SEMA6D: variants seen among roughly 807,000 people sequenced by gnomAD.
SEMA6D encodes semaphorin-6D.
A neutral mutation model predicts 106.6 loss-of-function variants in SEMA6D; 35 were observed. The ratio of observed to expected loss-of-function variants is 0.33; its 90% CI spans 0.25 to 0.44. The LOEUF is 0.44. SEMA6D is among the 20% of genes least tolerant of loss of function. SEMA6D has a pLI of 1.00. For missense variants in SEMA6D, 1,185 were observed against 1,345.9 expected (o/e 0.88, Z 1.87); for synonymous variants, 499 against 487.7 (o/e 1.02, Z -0.31).
rs1197605156 is a variant in SEMA6D at position 47,770,583 on chromosome 15, T to C, written c.2020T>C (p.Leu674=). 6.2e-7 allele frequency: 1 copy of C among 1,613,996 alleles called. No individual in the cohort carries two copies. The highest frequency in any genetic ancestry group is 1.7e-5 in the Admixed American group (1 of 60,010). ...LITCVFAAFV[L]GAFIAGVAVY... is the part of the protein sequence containing the mutation. Reference sequence around the variant, plus strand: ...CACCTGTGTCTTTGCTGCTTTTGTTTTGGGGGCATTCATTGCAGGTGTGGC... The same window carrying C: ...CACCTGTGTCTTTGCTGCTTTTGTTCTGGGGGCATTCATTGCAGGTGTGGC... Residue 674 remains leucine (L), a synonymous_variant, in exon 19 of 19, where the codon TTG becomes CTG. Transcript: ENST00000536845.
chr15:47,288,660 A>G (rs1233317505), intron 1 of SEMA6D, among the ~76,000 whole-genome samples: 1 of 152,160 alleles, frequency 6.6e-6, no homozygotes, highest in Non-Finnish European at 1.5e-5. Context: ...GCATGAATAC[A>G]TGAATGAGAG....
chr15:47,523,858 C>T (rs1797242), intron 3 of SEMA6D, among the ~76,000 whole-genome samples: 41,634 of 151,990 alleles, frequency 0.27, 5,995 homozygotes, highest in East Asian at 0.48. Flanking sequence ...CACTGTACTC[C>T]CGGGCCATTA....
chr15:47,410,615 T>C (rs958478523), intron 1 of SEMA6D, among the ~76,000 whole-genome samples: 7 of 152,168 alleles, frequency 4.6e-5, no homozygotes, highest in African/African-American at 1.4e-4. Flanking sequence ...ACTAATTAGT[T>C]ATTGAATTGG....
At chr15:47,456,818 T>G (rs2042358928) in intron 2 of SEMA6D, among the ~76,000 whole-genome samples, 2 of 151,912 alleles carry the variant, frequency 1.3e-5, no homozygotes, top group African/African-American at 4.8e-5. Flanking sequence ...GCAGATGGAT[T>G]TGAGAATTCA....
intron 2 of SEMA6D, among the ~76,000 whole-genome samples, chr15:47,451,077 G>A (rs1425526833): frequency 6.6e-6 from 1 of 152,066 alleles, no homozygotes; most frequent in Non-Finnish European, 1.5e-5. Context: ...GCTTTGCAGC[G>A]AATGTGAGGC....
chr15:47,488,463 A>T (rs2043363735), intron 3 of SEMA6D, among the ~76,000 whole-genome samples: 1 of 148,770 alleles, frequency 6.7e-6, no homozygotes, highest in Admixed American at 6.7e-5. Flanking sequence ...GCATACAGTT[A>T]GATCTCATTT....
At chr15:47,702,875 A>G (rs1355700215) in intron 4 of SEMA6D, among the ~76,000 whole-genome samples, 1 of 152,182 alleles carries the variant, frequency 6.6e-6, no homozygotes, top group Non-Finnish European at 1.5e-5. Context: ...ATGAGTAATC[A>G]GAACATAGAA....
chr15:47,305,050 G>T (rs2036181166), intron 1 of SEMA6D, among the ~76,000 whole-genome samples: 1 of 152,172 alleles, frequency 6.6e-6, no homozygotes, highest in Non-Finnish European at 1.5e-5. Flanking sequence ...CTTCTGTAAA[G>T]ATTAGAAATA....
chr15:47,483,379 G>A (rs1413067955), intron 3 of SEMA6D, among the ~76,000 whole-genome samples: 1 of 152,132 alleles, frequency 6.6e-6, no homozygotes, highest in African/African-American at 2.4e-5. Context: ...GGAAAATTTA[G>A]GTAGTGGTTG....
rs964821478 is a variant in SEMA6D, at chr15:47,284,894, G to A, written c.-239+100476G>A. Among the ~76,000 whole-genome samples the A allele has an allele frequency of 2.0e-5, 3 of 152,232 alleles. No individual in the cohort carries two copies. The South Asian group carries it at 6.2e-4, about 32-fold the overall frequency. On this transcript the variant is annotated intron_variant, in intron 1 of 19. Transcript: ENST00000558014. ...GATGATATTTCATGCCTCACATGGG[G>A]CGCATCTCCTTTTCATATTGCATTT...
intron 1 of SEMA6D, among the ~76,000 whole-genome samples, chr15:47,316,891 C>G (rs1203407548): frequency 6.6e-6 from 1 of 152,046 alleles, no homozygotes; most frequent in African/African-American, 2.4e-5. Flanking sequence ...CTTGTAACAT[C>G]TTCGGTTTGG....
chr15:47,490,684 G>A (rs189013558), intron 3 of SEMA6D, among the ~76,000 whole-genome samples: 85 of 152,050 alleles, frequency 5.6e-4, no homozygotes, highest in African/African-American at 1.6e-3. Context: ...ACAAACTAGC[G>A]CAGCAATATT....
intron 3 of SEMA6D, among the ~76,000 whole-genome samples, chr15:47,563,580 A>T (rs1241483763): frequency 6.6e-6 from 1 of 152,124 alleles, no homozygotes; most frequent in Non-Finnish European, 1.5e-5. Flanking sequence ...AGTTCCCAAT[A>T]GCACTTTATT....
chr15:47,292,663 A>G (rs977599740), intron 1 of SEMA6D, among the ~76,000 whole-genome samples: 1 of 152,184 alleles, frequency 6.6e-6, no homozygotes, highest in African/African-American at 2.4e-5. Context: ...ACAGACAAAT[A>G]AACGTGATAA....
intron 4 of SEMA6D, among the ~76,000 whole-genome samples, chr15:47,669,963 T>C (rs2078107945): frequency 6.6e-6 from 1 of 152,244 alleles, no homozygotes; most frequent in African/African-American, 2.4e-5. Flanking sequence ...ATCCAGTCCC[T>C]GTCCTTGTTC....
intron 3 of SEMA6D, among the ~76,000 whole-genome samples, chr15:47,538,804 C>T (rs2045261375): frequency 6.6e-6 from 1 of 152,038 alleles, no homozygotes; most frequent in Non-Finnish European, 1.5e-5. Flanking sequence ...CATGTCAGAA[C>T]TTTGATGTAT....
intron 4 of SEMA6D, among the ~76,000 whole-genome samples, chr15:47,708,081 C>T (rs1292518354): frequency 6.6e-6 from 1 of 152,168 alleles, no homozygotes; most frequent in African/African-American, 2.4e-5. Flanking sequence ...AGCATTCTTA[C>T]GTCTGAAACC....
chr15:47,486,955 A>T (rs2043313443), intron 3 of SEMA6D, among the ~76,000 whole-genome samples: 1 of 152,190 alleles, frequency 6.6e-6, no homozygotes, highest in Non-Finnish European at 1.5e-5. Context: ...TTAAATAATT[A>T]TTTCTTGGGC....
chr15:47,307,826 A>C lies in SEMA6D; in HGVS notation c.-238-104567A>C, dbSNP rs182336528. Reference sequence around the variant, plus strand: ...GACTGTTACTTGCAGAATAGCAATTATAGTAATTATGCTTCATTACTTAAA... The same window carrying C: ...GACTGTTACTTGCAGAATAGCAATTCTAGTAATTATGCTTCATTACTTAAA... On this transcript the variant is annotated intron_variant, in intron 1 of 19. Transcript: ENST00000558014. 2.3e-3 allele frequency among the ~76,000 whole-genome samples: 347 copies of C among 152,354 alleles called. 3 individuals carry two copies. Among genetic ancestry groups the C allele is most frequent in the African/African-American group, 7.8e-3 (324 of 41,588 alleles).
Sources: gnomAD v4.1 joint callset for allele counts (sites outside exome capture counted in the v4.1 genomes callset) on GRCh38, gnomAD v4.1.1 for gene constraint, MANE v1.5 for transcripts, NCBI Gene and HGNC (gene_info 2026-07-23, HGNC 2026-07-21) for gene names.